LRBA: variants seen among roughly 807,000 people sequenced by gnomAD.
LRBA encodes the protein LPS responsive beige-like anchor protein.
Under a neutral mutation model 330.0 loss-of-function variants are expected in LRBA, and 176 were observed. The ratio of observed to expected loss-of-function variants is 0.53; its 90% CI spans 0.47 to 0.60. LRBA has a LOEUF of 0.60. Ranked by LOEUF, LRBA falls within the 20% of genes least tolerant of loss-of-function variation. The pLI is 0.00. For synonymous variants in LRBA, 1,230 were observed against 1,193.0 expected (o/e 1.03, Z -0.64); for missense variants, 3,259 against 3,444.8 (o/e 0.95, Z 1.35).
chr4:150,849,400 T>C, intron 25 of LRBA, 22 bp downstream of exon 25: 1 of 1,609,286 alleles, frequency 6.2e-7, no homozygotes, highest in African/African-American at 1.3e-5. Context: ...ACACCAATTT[T>C]CTATAGTAAT....
At chr4:150,980,360 G>T (rs183455106) in intron 2 of LRBA, among the ~76,000 whole-genome samples, 115 of 152,266 alleles carry the variant, frequency 7.6e-4, no homozygotes, top group Middle Eastern at 3.4e-3. Flanking sequence ...GACAACCACA[G>T]ATAGTATCAT....
At chr4:150,707,863 G>GTT (rs1785786456) in intron 36 of LRBA, among the ~76,000 whole-genome samples, 1 of 151,496 alleles carries the variant, frequency 6.6e-6, no homozygotes, top group Non-Finnish European at 1.5e-5. Flanking sequence ...TTCCAGAAAG[G>GTT]TCATTTAAAA....
intron 37 of LRBA, among the ~76,000 whole-genome samples, chr4:150,605,999 A>G (rs1774584443): frequency 6.6e-6 from 1 of 152,182 alleles, no homozygotes; most frequent in Non-Finnish European, 1.5e-5. Flanking sequence ...AGTATCATAT[A>G]TTTTATTTAA....
chr4:150,964,137 C>A (rs1210694085), intron 2 of LRBA, among the ~76,000 whole-genome samples: 1 of 148,812 alleles, frequency 6.7e-6, no homozygotes, highest in Non-Finnish European at 1.5e-5. Flanking sequence ...GGGGGCAGCC[C>A]CCGCCCGGCC....
At chr4:150,549,195 T>C (rs1383595521) in intron 40 of LRBA, among the ~76,000 whole-genome samples, 1 of 152,092 alleles carries the variant, frequency 6.6e-6, no homozygotes, top group African/African-American at 2.4e-5. Flanking sequence ...CTCTGTCCTA[T>C]TACCAATATA....
At chr4:150,744,437 C>T (rs1001106634) in intron 35 of LRBA, among the ~76,000 whole-genome samples, 2 of 152,152 alleles carry the variant, frequency 1.3e-5, no homozygotes, top group African/African-American at 4.8e-5. Flanking sequence ...TCAATATTTC[C>T]TTTGTAATAT....
Position 150,583,130 on chromosome 4 carries a change from T to C in LRBA, c.6330+4918A>G. On this transcript the variant is annotated intron_variant, in intron 40 of 56. Coordinates refer to ENST00000651943, the MANE Select transcript of LRBA (RefSeq NM_001364905.1). This position sits in a 1 kb window ranked among gnomAD's most constrained non-coding sequence, Gnocchi z 9.8. ...GCCATCGCCAAAACCATCCGAGAGG[T>C]CTGTAAGGTGGTCTCGGACGTGCTC... 1 of 1,613,842 alleles carries C rather than the reference T, an allele frequency of 6.2e-7. No homozygotes were observed. Among genetic ancestry groups the C allele is most frequent in the Non-Finnish European group, 8.5e-7 (1 of 1,179,958 alleles).
chr4:150,584,446 C>T (rs904933642), intron 40 of LRBA: 1 of 95,530 alleles, frequency 1.0e-5, no homozygotes, highest in African/African-American at 3.8e-5. Context: ...TCCTTCTTTC[C>T]CCCTATCCTT....
intron 2 of LRBA, among the ~76,000 whole-genome samples, chr4:150,955,822 G>A (rs556543992): frequency 6.7e-6 from 1 of 148,278 alleles, no homozygotes; most frequent in Non-Finnish European, 1.5e-5. Context: ...AACCCGGGAG[G>A]CAGAGGTTGT....
At chr4:150,916,331 C>T (rs1732578648) in intron 7 of LRBA, 70 bp downstream of exon 7, 2 of 1,477,942 alleles carry the variant, frequency 1.4e-6, no homozygotes, top group Non-Finnish European at 1.8e-6. Context: ...ATATGAATAA[C>T]ATTAAAACAA....
intron 2 of LRBA, among the ~76,000 whole-genome samples, chr4:150,984,156 T>C (rs925333945): frequency 6.6e-6 from 1 of 152,142 alleles, no homozygotes; most frequent in South Asian, 2.1e-4. Context: ...CTAATTTCAT[T>C]CAACCTGTTA....
intron 40 of LRBA, among the ~76,000 whole-genome samples, chr4:150,496,008 CAG>C (rs774357297): frequency 1.3e-5 from 2 of 151,822 alleles, no homozygotes; most frequent in Admixed American, 1.3e-4. Flanking sequence ...AATGTTGAGA[CAG>C]TGTGTTAGAG....
intron 40 of LRBA, among the ~76,000 whole-genome samples, chr4:150,505,871 G>A (rs1006416751): frequency 1.5e-4 from 23 of 152,068 alleles, no homozygotes; most frequent in African/African-American, 4.8e-4. Context: ...TCAAACAGAC[G>A]TAATAAAAAA....
intron 37 of LRBA, among the ~76,000 whole-genome samples, chr4:150,615,240 TA>T (rs1249095447): frequency 6.6e-6 from 1 of 152,212 alleles, no homozygotes; most frequent in Non-Finnish European, 1.5e-5. Flanking sequence ...CCAAATCATT[TA>T]AGTCTTCATA....
intron 2 of LRBA, among the ~76,000 whole-genome samples, chr4:150,978,585 C>T (rs1740477454): frequency 6.6e-6 from 1 of 152,152 alleles, no homozygotes; most frequent in East Asian, 1.9e-4. Context: ...GCCTTTTAGG[C>T]ACAGAATTCA....
intron 37 of LRBA, among the ~76,000 whole-genome samples, chr4:150,633,488 C>G (rs1157748710): frequency 2.6e-5 from 4 of 152,196 alleles, no homozygotes; most frequent in Admixed American, 6.5e-5. Flanking sequence ...AATTTCAACA[C>G]AGTCAAAACC....
At position 150,716,444 on chromosome 4, in the gene LRBA, G is replaced by A. The variant is rs144638527; in HGVS notation, c.5754+18814C>T. 3.1e-3 allele frequency among the ~76,000 whole-genome samples: 478 copies of A among 152,222 alleles called. 2 individuals are homozygous for A. The highest frequency in any genetic ancestry group is 0.011 in the African/African-American group (454 of 41,536). The stretch of plus-strand genomic sequence containing the variant: ...TAGGTATGACCTTTGCATTACCTTC[G>A]CAACTTGTTTTACATCTATAGTTAT... On this transcript the variant is annotated intron_variant, in intron 36 of 56. Coordinates refer to ENST00000651943, the MANE Select transcript of LRBA (RefSeq NM_001364905.1).
At chr4:150,587,217 CATG>C (rs920220903) in intron 40 of LRBA, among the ~76,000 whole-genome samples, 2 of 152,120 alleles carry the variant, frequency 1.3e-5, no homozygotes, top group African/African-American at 4.8e-5. Flanking sequence ...TAAAAATTCA[CATG>C]ATTACAAAAT....
At chr4:150,697,908 A>G (rs1465699327) in intron 36 of LRBA, among the ~76,000 whole-genome samples, 1 of 152,084 alleles carries the variant, frequency 6.6e-6, no homozygotes, top group East Asian at 1.9e-4. Flanking sequence ...CTTTTTAAAT[A>G]TTCAATTTCT....
Sources: gnomAD v4.1 joint callset for allele counts (sites outside exome capture counted in the v4.1 genomes callset) on GRCh38, gnomAD v4.1.1 for gene constraint, Gnocchi (gnomAD v3.1) non-coding constraint, MANE v1.5 for transcripts, NCBI Gene and HGNC (gene_info 2026-07-23, HGNC 2026-07-21) for gene names.